DMD: variants seen among roughly 807,000 people sequenced by gnomAD.
DMD encodes the protein dystrophin, also known as mutant dystrophin.
DMD carries 63 observed loss-of-function variants against 330.1 expected under a neutral mutation model. That is an observed-to-expected ratio of 0.19 (90% CI 0.16 to 0.24). The LOEUF is 0.24. Ranked by LOEUF, DMD falls within the 10% of genes least tolerant of loss-of-function variation. DMD has a pLI of 1.00. For synonymous variants in DMD, 1,223 were observed against 959.8 expected, an observed-to-expected ratio of 1.27 and a Z score of -5.07; for missense variants, 3,344 against 2,684.1, an observed-to-expected ratio of 1.25 and a Z score of -5.43.
At chrX:32,255,437 CAAA>C (rs11296507) in intron 43 of DMD, among the ~76,000 whole-genome samples, 1,751 of 95,465 alleles carry the variant, frequency 0.018, 39 homozygotes, top group African/African-American at 0.061. Flanking sequence ...GTTGCTTTTG[CAAA>C]AAAAAAAAAA....
intron 43 of DMD, among the ~76,000 whole-genome samples, chrX:32,235,401 G>A (rs1019906599): frequency 2.7e-5 from 3 of 111,601 alleles, no homozygotes; most frequent in South Asian, 7.5e-4. Flanking sequence ...TACAGATGAA[G>A]CTTCCTTCCC....
chrX:32,441,066 CAT>C, intron 28 of DMD, 112 bp downstream of exon 28: 2 of 819,529 alleles, frequency 2.4e-6, no homozygotes, highest in Non-Finnish European at 3.6e-6. Context: ...TGAGTGATAA[CAT>C]AGTAATTATA....
intron 11 of DMD, chrX:32,641,421 T>A (rs1051388602): frequency 1.7e-5 from 2 of 116,590 alleles, no homozygotes; most frequent in Admixed American, 2.2e-4. Flanking sequence ...TATATATATA[T>A]ATATATATAT....
intron 50 of DMD, among the ~76,000 whole-genome samples, chrX:31,801,331 TG>T (rs2092049809): frequency 9.0e-6 from 1 of 110,697 alleles, no homozygotes; most frequent in South Asian, 3.9e-4. Flanking sequence ...GACAACAGCA[TG>T]GGGGGAAACA....
intron 47 of DMD, among the ~76,000 whole-genome samples, chrX:31,912,063 T>G (rs7878397): frequency 0.16 from 18,134 of 110,758 alleles, 3,615 homozygotes; most frequent in African/African-American, 0.56. Context: ...CGATGCCCAG[T>G]TCAGTGGCTG....
intron 1 of DMD, among the ~76,000 whole-genome samples, chrX:33,178,308 T>C (rs2049784422): frequency 8.9e-6 from 1 of 111,920 alleles, no homozygotes; most frequent in Admixed American, 9.5e-5. Flanking sequence ...GACAATGATG[T>C]TACATCGAAG....
intron 1 of DMD, among the ~76,000 whole-genome samples, chrX:33,022,093 C>T: frequency 9.0e-6 from 1 of 111,174 alleles, no homozygotes; most frequent in South Asian, 3.7e-4. Context: ...AGTAAATGAC[C>T]TTATTTGCAA....
At chrX:32,852,881 G>C (rs907900074) in intron 2 of DMD, among the ~76,000 whole-genome samples, 1 of 109,213 alleles carries the variant, frequency 9.2e-6, no homozygotes, top group Admixed American at 9.8e-5. Context: ...CAATAGAAGA[G>C]AGCACCAGAT....
At chrX:32,635,407 TTC>T (rs1458472304) in intron 11 of DMD, among the ~76,000 whole-genome samples, 2 of 111,737 alleles carry the variant, frequency 1.8e-5, no homozygotes, top group African/African-American at 6.5e-5. Context: ...TACTGGAGGC[TTC>T]TGTTTGGCGA....
chrX:31,130,046 T>C (rs969548466), intron 77 of DMD, among the ~76,000 whole-genome samples: 5 of 111,554 alleles, frequency 4.5e-5, no homozygotes, highest in African/African-American at 1.6e-4. Flanking sequence ...ATAGTAGCAC[T>C]GCTAACTGCT....
At chrX:33,076,567 T>C (rs2094844914) in intron 1 of DMD, among the ~76,000 whole-genome samples, 1 of 111,299 alleles carries the variant, frequency 9.0e-6, no homozygotes. Context: ...AACTGAGAAA[T>C]TCCTGAAAAA....
At chrX:32,533,113 C>T (rs921434891) in intron 17 of DMD, among the ~76,000 whole-genome samples, 1 of 111,051 alleles carries the variant, frequency 9.0e-6, no homozygotes, top group African/African-American at 3.3e-5. Flanking sequence ...TTCTTTCCCC[C>T]TTCCCAGTCT....
intron 50 of DMD, among the ~76,000 whole-genome samples, chrX:31,816,608 G>A (rs935833394): frequency 3.6e-5 from 4 of 109,763 alleles, no homozygotes; most frequent in Non-Finnish European, 3.8e-5. Flanking sequence ...AGACCAGCCT[G>A]ATCAACATGG....
intron 34 of DMD, among the ~76,000 whole-genome samples, chrX:32,371,429 A>T (rs2097877358): frequency 9.2e-6 from 1 of 108,149 alleles, no homozygotes; most frequent in South Asian, 3.9e-4. Flanking sequence ...ATAGGACCAA[A>T]TTTTTTTTTT....
intron 44 of DMD, among the ~76,000 whole-genome samples, chrX:32,162,030 T>G (rs2096851148): frequency 9.1e-6 from 1 of 110,341 alleles, no homozygotes; most frequent in Non-Finnish European, 1.9e-5. Context: ...AGGGAAAAGG[T>G]GAGGGAGAGC....
intron 44 of DMD, among the ~76,000 whole-genome samples, chrX:32,045,210 C>CTT (rs1209863504): frequency 9.1e-6 from 1 of 109,402 alleles, no homozygotes; most frequent in Non-Finnish European, 1.9e-5. Flanking sequence ...GCCAATTAAA[C>CTT]TTTTTTTCTT....
At chrX:33,173,865 G>A (rs987897794) in intron 1 of DMD, among the ~76,000 whole-genome samples, 1 of 109,576 alleles carries the variant, frequency 9.1e-6, no homozygotes, top group Non-Finnish European at 1.9e-5. Context: ...ATAACTAAAC[G>A]ATAAAGTGAT....
intron 7 of DMD, among the ~76,000 whole-genome samples, chrX:32,800,355 GC>G (rs1467119705): frequency 9.0e-6 from 1 of 111,243 alleles, no homozygotes; most frequent in Non-Finnish European, 1.9e-5. Flanking sequence ...TTGTGACTAA[GC>G]AGTCAGTAAA....
chrX:32,418,996 A>AAAAAAAAAAAAAAAG (rs2098178238), intron 29 of DMD, among the ~76,000 whole-genome samples: 1 of 105,681 alleles, frequency 9.5e-6, no homozygotes, highest in African/African-American at 3.5e-5. Flanking sequence ...AAAAAAAAAA[A>AAAAAAAAAAAAAAAG]AAGAAGCTGA....
Sources: gnomAD v4.1 joint callset for allele counts (sites outside exome capture counted in the v4.1 genomes callset) on GRCh38, gnomAD v4.1.1 for gene constraint, MANE v1.5 for transcripts, NCBI Gene and HGNC (gene_info 2026-07-23, HGNC 2026-07-21) for gene names.